OMD: variants seen among roughly 807,000 people sequenced by gnomAD.
OMD encodes osteomodulin.
A neutral mutation model predicts 31.2 loss-of-function variants in OMD; 19 were observed. That is an observed-to-expected ratio of 0.61 (90% CI 0.42 to 0.89). The LOEUF is 0.89. OMD is among the 40% of genes least tolerant of loss of function. The pLI is 0.00. For missense variants in OMD, 448 were observed against 490.8 expected, an observed-to-expected ratio of 0.91 and a Z score of 0.82; for synonymous variants, 155 against 166.4, an observed-to-expected ratio of 0.93 and a Z score of 0.53.
At chr9:92,423,376 T>C (rs952968194) in intron 1 of OMD, among the ~76,000 whole-genome samples, 2 of 152,148 alleles carry the variant, frequency 1.3e-5, no homozygotes, top group African/African-American at 4.8e-5. Context: ...CAAGAAAAGT[T>C]TCAATTGAAA....
Position 92,415,127 on chromosome 9 carries a change from AAGTGTATACCTATAT to A in OMD, c.*10_*24del. On this transcript the variant is annotated 3_prime_UTR_variant, in exon 3 of 3. Coordinates refer to ENST00000375550, the MANE Select transcript of OMD (RefSeq NM_005014.3). ...TTAAGTATAGGTTTTGTGAAGTCGT[AAGTGTATACCTATAT>A]AGTTTCTTGCTATTCTTGATTTTCA... is the stretch of plus-strand genomic sequence containing the variant. 2 of 1,537,042 alleles carry A rather than the reference AAGTGTATACCTATAT, an allele frequency of 1.3e-6. No individual in the cohort carries two copies. Among genetic ancestry groups the A allele is most frequent in the Non-Finnish European group, 1.8e-6 (2 of 1,140,324 alleles).
intron 2 of OMD, among the ~76,000 whole-genome samples, chr9:92,416,098 A>ATTT (rs1354339127): frequency 5.5e-4 from 73 of 133,500 alleles, no homozygotes; most frequent in African/African-American, 2.2e-3. Flanking sequence ...TTATTTATTT[A>ATTT]TTTTATTTTT....
rs1242578107 is a variant in OMD at position 92,415,493 on chromosome 9, T to A, written c.941-16A>T. 1 of 1,450,388 alleles carries A rather than the reference T, an allele frequency of 6.9e-7. No individual in the cohort carries two copies. Among genetic ancestry groups the A allele is most frequent in the Non-Finnish European group, 9.4e-7 (1 of 1,069,518 alleles). 89.8% of individuals were successfully genotyped at this position (1,450,388 alleles called of 1,614,324 possible). On this transcript the variant is annotated splice_polypyrimidine_tract_variant and intron_variant, in intron 2 of 2. Coordinates refer to ENST00000375550, the MANE Select transcript of OMD (RefSeq NM_005014.3). ...AGATTCATCTCTGAAAGAAATAAAT[T>A]AAAAATTAATCTTGTATTATAGTAT...
At position 92,423,806 on chromosome 9, in the gene OMD, A is replaced by G. The variant is rs367979667; in HGVS notation, c.-17+396T>C. 3.9e-5 allele frequency among the ~76,000 whole-genome samples: 6 copies of G among 152,176 alleles called. No homozygotes were observed. In the South Asian group the frequency reaches 1.2e-3, roughly 32 times the overall value. ...TGTACAAATGCCCATCAACCCCCCA[A>G]CCGGAATCACTAGCATTGCTCAGCT... On this transcript the variant is annotated intron_variant, in intron 1 of 2. Transcript: ENST00000375550.
Position 92,415,215 on chromosome 9 carries a change from C to T in OMD, c.1203G>A (p.Glu401=), listed in dbSNP as rs1444725919. The T allele has an allele frequency of 4.3e-6, 7 of 1,613,776 alleles. No homozygotes were observed. Among genetic ancestry groups the T allele is most frequent in the Non-Finnish European group, 5.9e-6 (7 of 1,179,886 alleles). The change falls in exon 3 of 3, where the codon GAG becomes GAA. Residue 401 remains glutamate, a synonymous_variant. Coordinates refer to ENST00000375550, the MANE Select transcript of OMD (RefSeq NM_005014.3). The part of the protein sequence containing the change: ...EDHDDPDNAH[E]SPEQEGAEGH... Reference sequence around the variant, plus strand: ...CTTCTGCTCCTTCTTGTTCTGGGCTCTCATGAGCATTGTCAGGATCATCGT... The same window carrying T: ...CTTCTGCTCCTTCTTGTTCTGGGCTTTCATGAGCATTGTCAGGATCATCGT...
chr9:92,417,799 A>G (rs1457099739), intron 1 of OMD, among the ~76,000 whole-genome samples: 1 of 152,002 alleles, frequency 6.6e-6, no homozygotes, highest in Admixed American at 6.6e-5. Context: ...GCTCACTGCA[A>G]CTTCTGCCTC....
At chr9:92,424,066 T>A (rs1843894908) in intron 1 of OMD, 136 bp downstream of exon 1, 2 of 152,224 alleles carry the variant, frequency 1.3e-5, no homozygotes, top group African/African-American at 4.8e-5. Context: ...ATAACTTTTT[T>A]ACCAGATTTT....
chr9:92,417,555 C>A lies in OMD; in HGVS notation c.4G>T (p.Gly2Cys). ...ATAACATATATTGGACTTAAAAAAC[C>A]CATCTTCTTTTTTTTTTTCCTATTG... M[G>C]FLSPIYVIFF... The change falls in exon 2 of 3, where the codon GGT (glycine) becomes TGT (cysteine). Residue 2 changes from glycine (G) to cysteine (C), a missense_variant. Transcript: ENST00000375550. 6.4e-7 allele frequency: 1 copy of A among 1,557,808 alleles called. No homozygotes were observed. The highest frequency in any genetic ancestry group is 1.2e-5 in the South Asian group (1 of 82,562).
At chr9:92,421,144 ACT>A (rs1843779979) in intron 1 of OMD, among the ~76,000 whole-genome samples, 1 of 151,854 alleles carries the variant, frequency 6.6e-6, no homozygotes, top group South Asian at 2.1e-4. Flanking sequence ...GGCTCAAGTG[ACT>A]CTCTTACTTC....
intron 1 of OMD, among the ~76,000 whole-genome samples, chr9:92,422,971 A>G (rs1249243910): frequency 6.6e-6 from 1 of 152,200 alleles, no homozygotes; most frequent in African/African-American, 2.4e-5. Context: ...ATCTTTTAAC[A>G]GAATCTAATA....
At chr9:92,415,628 AAAT>A (rs1356624431) in intron 2 of OMD, 151 bp from the exon 3 acceptor site, 2 of 374,992 alleles carry the variant, frequency 5.3e-6, no homozygotes, top group East Asian at 8.3e-5. Context: ...TATATTAATC[AAAT>A]AATAAAAAGA....
Position 92,412,387 on chromosome 9 carries a change from T to C in OMD, c.*2765A>G, listed in dbSNP as rs1406165443. Among the ~76,000 whole-genome samples, 1 of 152,184 alleles carries C rather than the reference T, an allele frequency of 6.6e-6. No individual in the cohort carries two copies. The highest frequency in any genetic ancestry group is 1.5e-5 in the Non-Finnish European group (1 of 68,038). On this transcript the variant is annotated 3_prime_UTR_variant, in exon 3 of 3. Transcript: ENST00000375550. Reference sequence around the variant, plus strand: ...CAGATATGAGCCACTGCACCCAGCCTAAAGTATACAATTTAATAGTACTTA... The same window carrying C: ...CAGATATGAGCCACTGCACCCAGCCCAAAGTATACAATTTAATAGTACTTA...
rs1249486548 is a variant in OMD, at chr9:92,413,256, G to A, written c.*1896C>T. 1.3e-5 allele frequency among the ~76,000 whole-genome samples: 2 copies of A among 151,928 alleles called. No individual in the cohort carries two copies. The highest frequency in any genetic ancestry group is 4.8e-5 in the African/African-American group (2 of 41,374). Reference sequence around the variant, plus strand: ...CCTAACTCGGCCTTCCAAAGTGCTGGGATTACAGGTGTGAGCTAATGCGCC... The same window carrying A: ...CCTAACTCGGCCTTCCAAAGTGCTGAGATTACAGGTGTGAGCTAATGCGCC... On this transcript the variant is annotated 3_prime_UTR_variant, in exon 3 of 3. Transcript: ENST00000375550.
rs1843549137 is a variant in OMD at position 92,415,073 on chromosome 9, GT to G, written c.*78del. 2.8e-6 allele frequency: 3 copies of G among 1,071,010 alleles called. No individual in the cohort carries two copies. The South Asian group carries it at 5.3e-5, about 19-fold the overall frequency. The allele number at this position is 1,071,010 out of a possible 1,614,324, so 66.3% of individuals were successfully genotyped here. On this transcript the variant is annotated 3_prime_UTR_variant, in exon 3 of 3. Coordinates refer to ENST00000375550, the MANE Select transcript of OMD (RefSeq NM_005014.3). The stretch of plus-strand genomic sequence containing the variant: ...CATAATTCTAAATATATTACTTTGA[GT>G]AATACATGTTTACTTAGATTTACTA...
rs1843554015 is a variant in OMD at position 92,415,216 on chromosome 9, T to C, written c.1202A>G (p.Glu401Gly). ...EDHDDPDNAHESPEQEGAEGH... is the reference protein window; with the variant it reads ...EDHDDPDNAHGSPEQEGAEGH... ...TTCTGCTCCTTCTTGTTCTGGGCTC[T>C]CATGAGCATTGTCAGGATCATCGTG... is the stretch of plus-strand genomic sequence containing the variant. The change falls in exon 3 of 3, where the codon GAG becomes GGG. Residue 401 changes from glutamate to glycine, a missense_variant. Coordinates refer to ENST00000375550, the MANE Select transcript of OMD (RefSeq NM_005014.3). The C allele has an allele frequency of 8.7e-6, 14 of 1,613,852 alleles. No individual in the cohort carries two copies. Among genetic ancestry groups the C allele is most frequent in the Admixed American group, 3.3e-5 (2 of 60,000 alleles).
rs1843493399 is a variant in OMD at position 92,413,141 on chromosome 9, T to G, written c.*2011A>C. Among the ~76,000 whole-genome samples, 1 of 151,902 alleles carries G rather than the reference T, an allele frequency of 6.6e-6. No individual in the cohort carries two copies. The highest frequency in any genetic ancestry group is 1.5e-5 in the Non-Finnish European group (1 of 67,944). ...CCGGGATTACAGGCATGTGCCACCA[T>G]GCCTGGCTAATTATTTTGTATTTTT... is the stretch of plus-strand genomic sequence containing the variant. On this transcript the variant is annotated 3_prime_UTR_variant, in exon 3 of 3. Transcript: ENST00000375550.
chr9:92,416,882 G>A lies in OMD; in HGVS notation c.677C>T (p.Ser226Leu). The A allele has an allele frequency of 6.2e-7, 1 of 1,613,986 alleles. No homozygotes were observed. The highest frequency in any genetic ancestry group is 8.5e-7 in the Non-Finnish European group (1 of 1,179,946). Residue 226 changes from serine to leucine, a missense_variant, in exon 2 of 3, where the codon TCA (serine) becomes TTA (leucine). Physicochemically the swap from Ser to Leu is moderately radical, Grantham distance 145. Coordinates refer to ENST00000375550, the MANE Select transcript of OMD (RefSeq NM_005014.3). ...TGAAGAAGGCAAACCAGGAGGCATT[G>A]ATTCTAATCTGTTACTGCAGAGGTT... ...QLNLCSNRLE[S>L]MPPGLPSSLM...
intron 1 of OMD, among the ~76,000 whole-genome samples, chr9:92,423,791 C>T (rs1039965166): frequency 2.0e-5 from 3 of 152,064 alleles, no homozygotes; most frequent in Non-Finnish European, 2.9e-5. Context: ...TGTACAAATG[C>T]CCATCAACCC....
Position 92,414,487 on chromosome 9 carries a change from T to C in OMD, c.*665A>G, listed in dbSNP as rs1843529668. The C allele has an allele frequency of 9.5e-6, 2 of 209,660 alleles. No homozygotes were observed. The highest frequency in any genetic ancestry group is 9.7e-6 in the Non-Finnish European group (1 of 103,264). 13.0% of individuals were successfully genotyped at this position (209,660 alleles called of 1,614,324 possible). The stretch of plus-strand genomic sequence containing the variant: ...TTTTTTAGTTGTCCAAATACAGCTT[T>C]ATAATTTTGTTGTTTTGGTATTCTG... On this transcript the variant is annotated 3_prime_UTR_variant, in exon 3 of 3. Coordinates refer to ENST00000375550, the MANE Select transcript of OMD (RefSeq NM_005014.3).
Sources: gnomAD v4.1 joint callset for allele counts (sites outside exome capture counted in the v4.1 genomes callset) on GRCh38, gnomAD v4.1.1 for gene constraint, MANE v1.5 for transcripts, NCBI Gene and HGNC (gene_info 2026-07-23, HGNC 2026-07-21) for gene names.